Variants in MCPH1 observed in about 807,000 individuals in gnomAD.
The protein encoded by MCPH1 is microcephalin.
In MCPH1, 104 loss-of-function variants were observed where a neutral mutation model predicts 84.5. The observed-to-expected ratio is 1.23, with a 90% CI of 1.05 to 1.45. The LOEUF is 1.45. Ranked by LOEUF, MCPH1 falls within the 40% of genes most tolerant of loss-of-function variation. The pLI is 0.00. For synonymous variants in MCPH1, 514 were observed against 366.8 expected (o/e 1.40, Z -4.58); for missense variants, 1,498 against 1,005.7 (o/e 1.49, Z -6.62).
intron 8 of MCPH1, chr8:6,447,309 C>G: frequency 6.1e-6 from 6 of 985,312 alleles, no homozygotes; most frequent in Non-Finnish European, 6.0e-6. Flanking sequence ...GGGATGCACA[C>G]TCTATATCTG....
intron 11 of MCPH1, among the ~76,000 whole-genome samples, chr8:6,498,175 C>G (rs1439237864): frequency 2.6e-5 from 4 of 152,228 alleles, no homozygotes; most frequent in Admixed American, 2.6e-4. Context: ...GTGTCACCTA[C>G]AAGATGCTGA....
At chr8:6,621,189 T>C (rs1831374000) in intron 12 of MCPH1, 1 of 512,250 alleles carries the variant, frequency 2.0e-6, no homozygotes, top group South Asian at 2.1e-5. Context: ...TTTGAGGCTT[T>C]GGAATAATTC....
At chr8:6,625,486 T>C in intron 13 of MCPH1, 1 of 985,146 alleles carries the variant, frequency 1.0e-6, no homozygotes, top group Middle Eastern at 5.2e-4. Flanking sequence ...AAACTAGGAA[T>C]ATATCAAACC....
intron 4 of MCPH1, among the ~76,000 whole-genome samples, chr8:6,433,630 CAAAAAAAA>C (rs60661127): frequency 2.4e-5 from 1 of 40,896 alleles, no homozygotes; most frequent in East Asian, 7.4e-4. Flanking sequence ...GGCTCTGTCT[CAAAAAAAA>C]AAAAAAAAAA....
intron 12 of MCPH1, among the ~76,000 whole-genome samples, chr8:6,597,386 C>T (rs965665928): frequency 2.0e-5 from 3 of 152,124 alleles, no homozygotes; most frequent in Admixed American, 1.3e-4. Context: ...TCCTTAAAGC[C>T]AGGACTAGAA....
At chr8:6,598,085 G>C (rs3020250) in intron 12 of MCPH1, among the ~76,000 whole-genome samples, 50,996 of 152,056 alleles carry the variant, frequency 0.34, 8,681 homozygotes, top group East Asian at 0.42. Flanking sequence ...TTGTGCCTCC[G>C]CTCAACAGGG....
chr8:6,409,170 G>C lies in MCPH1; in HGVS notation c.23-109G>C. On this transcript the variant is annotated intron_variant, in intron 1 of 13. Transcript: ENST00000344683. ...CACAGTGCTGGGATTACAGGCGTGAGCCACTGTGCCGGCCTCGGTTTACTC... is the reference window on the plus strand; with the variant it reads ...CACAGTGCTGGGATTACAGGCGTGACCCACTGTGCCGGCCTCGGTTTACTC... 3.3e-6 allele frequency: 3 copies of C among 897,610 alleles called. No individual in the cohort carries two copies. In the Admixed American group the frequency reaches 5.7e-5, roughly 17 times the overall value. 55.6% of individuals were successfully genotyped at this position (897,610 alleles called of 1,614,324 possible). A position where few individuals can be genotyped will look rare whatever the true frequency, so the allele number is the denominator to read the frequency against.
chr8:6,640,113 T>C (rs1488852299), intron 13 of MCPH1, among the ~76,000 whole-genome samples: 1 of 150,244 alleles, frequency 6.7e-6, no homozygotes, highest in Admixed American at 6.7e-5. Context: ...CGCGTGTGTG[T>C]GTGTGTGCGT....
At chr8:6,640,525 C>A (rs193286273) in intron 13 of MCPH1, among the ~76,000 whole-genome samples, 64 of 152,254 alleles carry the variant, frequency 4.2e-4, no homozygotes, top group African/African-American at 1.2e-3. Context: ...GATCCCTTAA[C>A]TGTTTTGAAA....
chr8:6,497,526 C>T (rs960153386), intron 11 of MCPH1, among the ~76,000 whole-genome samples: 3 of 151,904 alleles, frequency 2.0e-5, no homozygotes, highest in Non-Finnish European at 4.4e-5. Flanking sequence ...AAGTTGAAAA[C>T]AGCTTAGGGA....
At chr8:6,488,532 T>C (rs1290821623) in intron 11 of MCPH1, among the ~76,000 whole-genome samples, 2 of 152,146 alleles carry the variant, frequency 1.3e-5, no homozygotes, top group African/African-American at 4.8e-5. Flanking sequence ...TTTTCAAATT[T>C]TTACATTAAT....
At chr8:6,558,398 A>G (rs565578612) in intron 12 of MCPH1, among the ~76,000 whole-genome samples, 2 of 152,278 alleles carry the variant, frequency 1.3e-5, no homozygotes, top group African/African-American at 2.4e-5. Flanking sequence ...ATGGCGGTAG[A>G]GTTGATTTGA....
chr8:6,564,878 C>T (rs1053898832), intron 12 of MCPH1, among the ~76,000 whole-genome samples: 2 of 152,190 alleles, frequency 1.3e-5, no homozygotes, highest in African/African-American at 4.8e-5. Context: ...TAGCATGTGT[C>T]TTCTTTTGAG....
intron 3 of MCPH1, among the ~76,000 whole-genome samples, chr8:6,425,990 C>T (rs1801001798): frequency 1.3e-5 from 2 of 151,940 alleles, no homozygotes; most frequent in East Asian, 3.8e-4. Flanking sequence ...TGACATTTTG[C>T]TTGAGTAAGA....
chr8:6,417,489 G>A (rs574811323), intron 3 of MCPH1, among the ~76,000 whole-genome samples: 1 of 152,240 alleles, frequency 6.6e-6, no homozygotes, highest in South Asian at 2.1e-4. Context: ...TTTGTCCATA[G>A]TGCTCTCCTT....
chr8:6,408,422 A>G (rs1012285129), intron 1 of MCPH1, among the ~76,000 whole-genome samples: 4 of 152,050 alleles, frequency 2.6e-5, no homozygotes, highest in Non-Finnish European at 4.4e-5. Flanking sequence ...GGGTCTCACT[A>G]TGTTGCCTAG....
At chr8:6,595,626 T>C (rs1157275247) in intron 12 of MCPH1, among the ~76,000 whole-genome samples, 1 of 152,196 alleles carries the variant, frequency 6.6e-6, no homozygotes, top group Non-Finnish European at 1.5e-5. Flanking sequence ...CAACACGGTC[T>C]TCAGAGCATC....
intron 12 of MCPH1, among the ~76,000 whole-genome samples, chr8:6,575,796 G>A (rs116759700): frequency 1.3e-5 from 2 of 152,108 alleles, no homozygotes; most frequent in South Asian, 2.1e-4. Context: ...GGAACGCCTC[G>A]TGACAACGCA....
chr8:6,640,435 T>C (rs909838925), intron 13 of MCPH1, among the ~76,000 whole-genome samples: 4 of 152,220 alleles, frequency 2.6e-5, no homozygotes, highest in Non-Finnish European at 4.4e-5. Flanking sequence ...CTCATTAATT[T>C]CTAATTGCCT....
Sources: allele counts gnomAD v4.1 joint callset (sites outside exome capture counted in the v4.1 genomes callset), GRCh38; gene constraint gnomAD v4.1.1; transcripts MANE v1.5; gene names NCBI Gene and HGNC (gene_info 2026-07-23, HGNC 2026-07-21).